The following TEX14 variants were observed in gnomAD, a reference collection of about 807,000 sequenced individuals.
The protein encoded by TEX14 is testis expressed 14, intercellular bridge forming factor, also known as inactive serine/threonine-protein kinase TEX14.
A neutral mutation model predicts 178.6 loss-of-function variants in TEX14; 168 were observed. That is an observed-to-expected ratio of 0.94 (90% CI 0.83 to 1.07). TEX14 has a LOEUF of 1.07. TEX14 is among the 50% of genes least tolerant of loss of function. TEX14 has a pLI of 0.00. For synonymous variants in TEX14, 626 were observed against 634.1 expected, an observed-to-expected ratio of 0.99 and a Z score of 0.19; for missense variants, 1,730 against 1,753.6, an observed-to-expected ratio of 0.99 and a Z score of 0.24.
chr17:58,632,443 C>CA (rs1490801941), intron 2 of TEX14, among the ~76,000 whole-genome samples: 6 of 152,200 alleles, frequency 3.9e-5, no homozygotes, highest in Non-Finnish European at 5.9e-5. Flanking sequence ...CTTCCCACCT[C>CA]AGCCTTCCAA....
At chr17:58,670,246 C>T (rs116088217) in intron 1 of TEX14, among the ~76,000 whole-genome samples, 1,703 of 152,172 alleles carry the variant, frequency 0.011, 36 homozygotes, top group African/African-American at 0.039. Context: ...TACAGACTGT[C>T]GAAGGACCTG....
At chr17:58,560,866 C>T (rs1407292871) in intron 29 of TEX14, among the ~76,000 whole-genome samples, 1 of 152,378 alleles carries the variant, frequency 6.6e-6, no homozygotes, top group East Asian at 1.9e-4. Context: ...TATCCAGCAT[C>T]AATGCTGCAT....
Position 58,579,792 on chromosome 17 carries a change from G to A in TEX14, c.3172-61C>T. ...TTCACTGGAGGCAGACATATTAAAA[G>A]GTCAATAATTTCTTGATGTTCTTAA... On this transcript the variant is annotated intron_variant, in intron 19 of 31. Coordinates refer to ENST00000349033, the MANE Select transcript of TEX14 (RefSeq NM_031272.5). The A allele has an allele frequency of 3.9e-6, 5 of 1,288,026 alleles. No homozygotes were observed. In the South Asian group the frequency reaches 6.2e-5, roughly 16 times the overall value. 79.8% of individuals were successfully genotyped at this position (1,288,026 alleles called of 1,614,324 possible). A position where few individuals can be genotyped will look rare whatever the true frequency, so the allele number is the denominator to read the frequency against.
Position 58,611,261 on chromosome 17 carries a change from G to A in TEX14, c.1084C>T (p.His362Tyr), listed in dbSNP as rs776014101. 1.9e-6 allele frequency: 3 copies of A among 1,611,398 alleles called. No individual in the cohort carries two copies. The highest frequency in any genetic ancestry group is 2.5e-6 in the Non-Finnish European group (3 of 1,177,556). Residue 362 changes from histidine (H) to tyrosine (Y), a missense_variant, in exon 10 of 32, where the codon CAT becomes TAT. By Grantham distance (83) the His-to-Tyr change is moderately conservative. Transcript: ENST00000349033. ...GAGCGGTGGATAAACCCCTGGAAATGCAGGTATCTCAGGGCATCAGATATC... is the reference window on the plus strand; with the variant it reads ...GAGCGGTGGATAAACCCCTGGAAATACAGGTATCTCAGGGCATCAGATATC... Reference protein sequence around the residue: ...LQISDALRYLHFQGFIHRSLS... With the variant: ...LQISDALRYLYFQGFIHRSLS...
At chr17:58,651,559 GAGC>G (rs1366780391) in intron 2 of TEX14, among the ~76,000 whole-genome samples, 1 of 152,150 alleles carries the variant, frequency 6.6e-6, no homozygotes, top group East Asian at 1.9e-4. Context: ...TTAATGGATG[GAGC>G]AGATTTCAAG....
chr17:58,654,007 T>A (rs1415432983), intron 1 of TEX14, among the ~76,000 whole-genome samples: 1 of 151,536 alleles, frequency 6.6e-6, no homozygotes, highest in Non-Finnish European at 1.5e-5. Context: ...TGAAACCCCA[T>A]CTTTACTAAA....
In TEX14 at chr17:58,584,507, G is replaced by C. The variant is rs1282459715; in HGVS notation, c.3164C>G (p.Ser1055Cys). Residue 1055 changes from serine (S) to cysteine (C), a missense_variant, in exon 19 of 32, where the codon TCT becomes TGT. Physicochemically the swap from Ser to Cys is moderately radical, Grantham distance 112. Coordinates refer to ENST00000349033, the MANE Select transcript of TEX14 (RefSeq NM_031272.5). Reference sequence around the variant, plus strand: ...CCAGGCAGTATTACTTACACTGTAAGATTTCTCTACAGCCACCAATGTGTC... The same window carrying C: ...CCAGGCAGTATTACTTACACTGTAACATTTCTCTACAGCCACCAATGTGTC... Reference protein sequence around the residue: ...SSDTLVAVEKSYSTSSPIEED... With the variant: ...SSDTLVAVEKCYSTSSPIEED... 8 of 1,612,938 alleles carry C rather than the reference G, an allele frequency of 5.0e-6. No homozygotes were observed. The highest frequency in any genetic ancestry group is 1.7e-5 in the Admixed American group (1 of 59,980).
chr17:58,638,480 T>G (rs1288531453), intron 2 of TEX14, among the ~76,000 whole-genome samples: 1 of 152,242 alleles, frequency 6.6e-6, no homozygotes, highest in Non-Finnish European at 1.5e-5. Flanking sequence ...ATTGGAATAC[T>G]ACTCACCCAT....
intron 1 of TEX14, among the ~76,000 whole-genome samples, chr17:58,685,847 T>C (rs1318852050): frequency 1.3e-5 from 2 of 150,818 alleles, no homozygotes; most frequent in African/African-American, 4.9e-5. Context: ...ATACAAAAAT[T>C]AGCTGGGTGT....
intron 2 of TEX14, among the ~76,000 whole-genome samples, chr17:58,636,025 G>C (rs962767691): frequency 6.6e-6 from 1 of 151,942 alleles, no homozygotes; most frequent in African/African-American, 2.4e-5. Context: ...GATTACAGGC[G>C]TGAGCCACCG....
intron 13 of TEX14, among the ~76,000 whole-genome samples, chr17:58,600,967 G>A (rs2045419652): frequency 6.6e-6 from 1 of 152,136 alleles, no homozygotes; most frequent in African/African-American, 2.4e-5. Flanking sequence ...TAGTAAAATT[G>A]GTTGGGCAAA....
intron 3 of TEX14, among the ~76,000 whole-genome samples, chr17:58,629,655 G>T (rs2046234426): frequency 6.6e-6 from 1 of 151,176 alleles, no homozygotes; most frequent in South Asian, 2.1e-4. Context: ...CTAGCATCAT[G>T]AAACCCCGTC....
At chr17:58,660,477 G>C in intron 1 of TEX14, 1 of 624,570 alleles carries the variant, frequency 1.6e-6, no homozygotes, top group East Asian at 2.6e-5. Flanking sequence ...CTTTGCCTTC[G>C]TTTTACACAG....
chr17:58,614,641 T>C (rs1003877863), intron 8 of TEX14, among the ~76,000 whole-genome samples: 2 of 152,222 alleles, frequency 1.3e-5, no homozygotes, highest in African/African-American at 2.4e-5. Flanking sequence ...AAAAGAAGAA[T>C]GTGGCCTCTC....
chr17:58,659,539 T>C (rs1016073540), intron 1 of TEX14, among the ~76,000 whole-genome samples: 5 of 152,188 alleles, frequency 3.3e-5, no homozygotes, highest in Non-Finnish European at 7.3e-5. Flanking sequence ...TATAGTAACG[T>C]CACCACCTGC....
At chr17:58,570,542 G>A (rs2044497977) in intron 24 of TEX14, 58 bp from the exon 25 acceptor site, 2 of 1,203,498 alleles carry the variant, frequency 1.7e-6, no homozygotes, top group African/African-American at 1.6e-5. Flanking sequence ...AAAGGCATAT[G>A]CAGCTCAGTC....
intron 2 of TEX14, among the ~76,000 whole-genome samples, chr17:58,637,682 C>A (rs1273242928): frequency 6.6e-6 from 1 of 152,172 alleles, no homozygotes; most frequent in Non-Finnish European, 1.5e-5. Flanking sequence ...CTCTTCCATT[C>A]AGTTGCTCAT....
intron 1 of TEX14, chr17:58,666,680 C>G (rs185993042): frequency 6.6e-6 from 1 of 152,176 alleles, no homozygotes; most frequent in African/African-American, 2.4e-5. Flanking sequence ...CACAGTATTT[C>G]TCCTGACAGG....
chr17:58,666,943 G>T (rs2047223363), intron 1 of TEX14, among the ~76,000 whole-genome samples: 1 of 152,126 alleles, frequency 6.6e-6, no homozygotes, highest in South Asian at 2.1e-4. Flanking sequence ...GGCCTGGCTG[G>T]TCAGAGAGCG....
Sources: allele counts gnomAD v4.1 joint callset (sites outside exome capture counted in the v4.1 genomes callset), GRCh38; gene constraint gnomAD v4.1.1; transcripts MANE v1.5; gene names NCBI Gene and HGNC (gene_info 2026-07-23, HGNC 2026-07-21).